Variants in FUT8 observed in about 807,000 individuals in gnomAD.
FUT8 encodes the protein alpha-(1,6)-fucosyltransferase.
In FUT8, 29 loss-of-function variants were observed where a neutral mutation model predicts 71.3. The ratio of observed to expected loss-of-function variants is 0.41; its 90% CI spans 0.30 to 0.55. FUT8 has a LOEUF of 0.55. FUT8 is among the 20% of genes least tolerant of loss of function. The probability of loss-of-function intolerance (pLI) is 0.34; values close to 1 mark genes in which losing one functional copy is unlikely to be tolerated. For synonymous variants in FUT8, 254 were observed against 239.3 expected (o/e 1.06, Z -0.57); for missense variants, 544 against 702.1 (o/e 0.77, Z 2.55).
chr14:65,728,068 G>C (rs915012775), intron 9 of FUT8, among the ~76,000 whole-genome samples: 1 of 152,100 alleles, frequency 6.6e-6, no homozygotes, highest in Admixed American at 6.5e-5. Context: ...CCATATCACT[G>C]TCAGCATTTT....
At chr14:65,538,096 A>G (rs1432054714) in intron 2 of FUT8, among the ~76,000 whole-genome samples, 1 of 152,180 alleles carries the variant, frequency 6.6e-6, no homozygotes, top group African/African-American at 2.4e-5. Flanking sequence ...AAAGTCTCCT[A>G]TGGGAGCAAG....
At chr14:65,584,121 G>A (rs549822834) in intron 3 of FUT8, among the ~76,000 whole-genome samples, 4 of 150,794 alleles carry the variant, frequency 2.7e-5, no homozygotes, top group African/African-American at 9.7e-5. Flanking sequence ...TGATCCGCCC[G>A]CCTCTACCTC....
At chr14:65,580,088 A>ATATG (rs1308639469) in intron 3 of FUT8, among the ~76,000 whole-genome samples, 1 of 149,150 alleles carries the variant, frequency 6.7e-6, no homozygotes, top group Non-Finnish European at 1.5e-5. Context: ...ATATATATAT[A>ATATG]TAGTCATGCA....
intron 1 of FUT8, among the ~76,000 whole-genome samples, chr14:65,429,461 CATTTCCA>C (rs2065436106): frequency 6.6e-6 from 1 of 152,158 alleles, no homozygotes; most frequent in Non-Finnish European, 1.5e-5. Context: ...TCAAAAGTAG[CATTTCCA>C]ATGTAGGTAA....
At chr14:65,583,907 T>C (rs1398451940) in intron 3 of FUT8, among the ~76,000 whole-genome samples, 1 of 152,096 alleles carries the variant, frequency 6.6e-6, no homozygotes, top group Admixed American at 6.6e-5. Context: ...TGAGATGGAG[T>C]CTCGCTCATT....
intron 6 of FUT8, among the ~76,000 whole-genome samples, chr14:65,657,251 T>G (rs1259126816): frequency 6.6e-6 from 1 of 152,158 alleles, no homozygotes; most frequent in African/African-American, 2.4e-5. Context: ...ACAACCACTA[T>G]GAAGAACAGT....
chr14:65,411,196 A>C (rs1369250554), upstream of FUT8: 2 of 152,220 alleles, frequency 1.3e-5, no homozygotes, highest in Admixed American at 1.3e-4. Context: ...TTATTGAATG[A>C]TGACACCCAA....
chr14:65,519,750 A>G (rs1882959002), intron 2 of FUT8, among the ~76,000 whole-genome samples: 1 of 152,092 alleles, frequency 6.6e-6, no homozygotes, highest in South Asian at 2.1e-4. Flanking sequence ...CTCAACATTT[A>G]CCTTTAATGT....
intron 3 of FUT8, among the ~76,000 whole-genome samples, chr14:65,580,132 C>G (rs910679989): frequency 6.8e-6 from 1 of 147,808 alleles, no homozygotes; most frequent in Non-Finnish European, 1.5e-5. Flanking sequence ...CTGAGAAATA[C>G]GTCATTAGGT....
chr14:65,687,721 T>G (rs1007396284), intron 7 of FUT8, among the ~76,000 whole-genome samples: 8 of 150,980 alleles, frequency 5.3e-5, no homozygotes, highest in African/African-American at 1.7e-4. Context: ...CTGCACCAAG[T>G]GCCAGCCATG....
intron 2 of FUT8, among the ~76,000 whole-genome samples, chr14:65,482,354 G>A (rs1184638459): frequency 1.3e-5 from 2 of 151,162 alleles, no homozygotes; most frequent in African/African-American, 2.4e-5. Context: ...TCTCATACCA[G>A]CTCAGTTTTA....
At chr14:65,606,371 C>T (rs1424205907) in intron 3 of FUT8, among the ~76,000 whole-genome samples, 2 of 151,590 alleles carry the variant, frequency 1.3e-5, no homozygotes, top group African/African-American at 2.4e-5. Context: ...GCCACTGTGC[C>T]CTGCCCAAAA....
chr14:65,712,080 C>T (rs918036809), intron 7 of FUT8, among the ~76,000 whole-genome samples: 8 of 152,158 alleles, frequency 5.3e-5, no homozygotes, highest in African/African-American at 1.9e-4. Context: ...TAGTCAGAGA[C>T]ATCTTAACTG....
At chr14:65,442,263 C>A (rs1048842592) in intron 1 of FUT8, among the ~76,000 whole-genome samples, 1 of 151,628 alleles carries the variant, frequency 6.6e-6, no homozygotes, top group Non-Finnish European at 1.5e-5. Context: ...GCAGTCTCCA[C>A]CTTCCGGGTT....
intron 9 of FUT8, among the ~76,000 whole-genome samples, chr14:65,729,554 G>T (rs1486283869): frequency 6.7e-6 from 1 of 149,402 alleles, no homozygotes. Flanking sequence ...TTAAATACAG[G>T]GTCCAGGCTG....
intron 2 of FUT8, among the ~76,000 whole-genome samples, chr14:65,539,725 G>A (rs1252749475): frequency 6.6e-6 from 1 of 152,182 alleles, no homozygotes; most frequent in Non-Finnish European, 1.5e-5. Flanking sequence ...AATAAAATAA[G>A]TAAAACACTT....
At chr14:65,375,571 C>T in the FUT8 span, among the ~76,000 whole-genome samples, 4 of 151,902 alleles carry the variant, frequency 2.6e-5, no homozygotes, top group African/African-American at 4.8e-5. Flanking sequence ...CAGTGAGCCA[C>T]GGTCGTGCCT....
chr14:65,684,531 A>G (rs1489602945), intron 7 of FUT8, among the ~76,000 whole-genome samples: 1 of 152,214 alleles, frequency 6.6e-6, no homozygotes. Flanking sequence ...TTTTGAAGCT[A>G]TTATCTGTTG....
intron 9 of FUT8, among the ~76,000 whole-genome samples, chr14:65,731,438 G>A (rs1895975337): frequency 6.6e-6 from 1 of 152,176 alleles, no homozygotes; most frequent in South Asian, 2.1e-4. Context: ...CAAGGTAGAA[G>A]AATTCCTCCA....
Sources: allele counts gnomAD v4.1 joint callset (sites outside exome capture counted in the v4.1 genomes callset), GRCh38; gene constraint gnomAD v4.1.1; transcripts MANE v1.5; gene names NCBI Gene and HGNC (gene_info 2026-07-23, HGNC 2026-07-21).